ADCY8: variants seen among roughly 807,000 people sequenced by gnomAD.
ADCY8 encodes the protein adenylate cyclase 8, also known as adenylate cyclase type 8.
In ADCY8, 51 loss-of-function variants were observed where a neutral mutation model predicts 119.7. The observed-to-expected ratio is 0.43, with a 90% confidence interval of 0.34 to 0.54. ADCY8 has a LOEUF of 0.54. Ranked by LOEUF, ADCY8 falls within the 20% of genes least tolerant of loss-of-function variation. The probability of loss-of-function intolerance (pLI) is 0.03; values close to 1 mark genes in which losing one functional copy is unlikely to be tolerated. For synonymous variants in ADCY8, 665 were observed against 651.0 expected (o/e 1.02, Z -0.33); for missense variants, 1,383 against 1,598.8 (o/e 0.87, Z 2.30).
intron 14 of ADCY8, among the ~76,000 whole-genome samples, chr8:130,808,526 G>C (rs933517717): frequency 2.0e-5 from 3 of 152,148 alleles, no homozygotes; most frequent in Non-Finnish European, 4.4e-5. Flanking sequence ...CACAACAAGG[G>C]GCATGAGGAA....
chr8:130,934,592 A>G (rs928406143), intron 5 of ADCY8, among the ~76,000 whole-genome samples: 3 of 152,210 alleles, frequency 2.0e-5, no homozygotes, highest in African/African-American at 7.2e-5. Flanking sequence ...TACACCAGTT[A>G]AAGTATTATT....
At chr8:130,968,380 C>T in intron 2 of ADCY8, among the ~76,000 whole-genome samples, 1 of 152,110 alleles carries the variant, frequency 6.6e-6, no homozygotes, top group South Asian at 2.1e-4. Flanking sequence ...ACCGTGTTAG[C>T]CAGAAGGGTC....
chr8:130,954,578 T>C (rs551896369), intron 2 of ADCY8, among the ~76,000 whole-genome samples: 12 of 152,326 alleles, frequency 7.9e-5, no homozygotes, highest in South Asian at 2.1e-4. Flanking sequence ...TCAGGTAGGA[T>C]TGAGAAATTC....
In ADCY8 at chr8:130,936,097, G is replaced by GTGTT. The variant is rs755224046; in HGVS notation, c.1481+975_1481+976insAACA. 1.9e-3 allele frequency among the ~76,000 whole-genome samples: 217 copies of GTGTT among 116,582 alleles called. 1 individual carries two copies. Among genetic ancestry groups the GTGTT allele is most frequent in the Non-Finnish European group, 3.8e-3 (180 of 46,820 alleles). 76.5% of individuals were successfully genotyped at this position (116,582 alleles called of 152,430 possible). ...CATGTGTGTGTGTGTGTGTGTGTGT[G>GTGTT]TGTGTGTGTGTGTATTTCTGCCTAT... is the stretch of plus-strand genomic sequence containing the variant. On this transcript the variant is annotated intron_variant, in intron 5 of 17. Transcript: ENST00000286355.
intron 15 of ADCY8, among the ~76,000 whole-genome samples, chr8:130,796,532 A>G (rs147680080): frequency 1.3e-5 from 2 of 152,262 alleles, no homozygotes; most frequent in Non-Finnish European, 1.5e-5. Flanking sequence ...AAGCATCAGT[A>G]TTAAAGTGAA....
intron 7 of ADCY8, among the ~76,000 whole-genome samples, chr8:130,889,913 C>G (rs149134140): frequency 6.6e-6 from 1 of 152,236 alleles, no homozygotes; most frequent in East Asian, 1.9e-4. Context: ...ATCACCTCCT[C>G]CAGTAAGCCT....
At chr8:130,879,538 T>A (rs1022611137) in intron 8 of ADCY8, among the ~76,000 whole-genome samples, 1 of 152,210 alleles carries the variant, frequency 6.6e-6, no homozygotes, top group African/African-American at 2.4e-5. Context: ...TGAGGGCAAC[T>A]TCAAAATGAC....
chr8:130,973,351 T>A (rs1409539978), intron 2 of ADCY8, among the ~76,000 whole-genome samples: 1 of 152,238 alleles, frequency 6.6e-6, no homozygotes, highest in Non-Finnish European at 1.5e-5. Flanking sequence ...ATAAACAGAA[T>A]CTTCAAAATT....
intron 15 of ADCY8, among the ~76,000 whole-genome samples, chr8:130,791,350 C>G (rs969693564): frequency 1.3e-5 from 2 of 152,154 alleles, no homozygotes; most frequent in Non-Finnish European, 2.9e-5. Context: ...CCTCCCCATT[C>G]CTGGAGAAAA....
chr8:130,889,529 T>C (rs1819109784), intron 7 of ADCY8, among the ~76,000 whole-genome samples: 1 of 152,202 alleles, frequency 6.6e-6, no homozygotes, highest in South Asian at 2.1e-4. Flanking sequence ...GCTTTAAAGT[T>C]CTTCCCTGCT....
At chr8:130,901,591 G>A (rs1819605468) in intron 7 of ADCY8, among the ~76,000 whole-genome samples, 1 of 152,130 alleles carries the variant, frequency 6.6e-6, no homozygotes, top group Non-Finnish European at 1.5e-5. Context: ...CTCTTCCAGG[G>A]ACAAATTATG....
intron 14 of ADCY8, among the ~76,000 whole-genome samples, chr8:130,813,438 A>G (rs1468344832): frequency 6.6e-6 from 1 of 152,116 alleles, no homozygotes; most frequent in Non-Finnish European, 1.5e-5. Context: ...TTTCATCTCT[A>G]TGAATTTGAC....
At chr8:130,845,182 C>T (rs1159008330) in intron 11 of ADCY8, among the ~76,000 whole-genome samples, 2 of 152,152 alleles carry the variant, frequency 1.3e-5, no homozygotes, top group South Asian at 2.1e-4. Flanking sequence ...ATCTTACCCA[C>T]CACTTTCTTA....
At chr8:131,032,969 C>A (rs969463543) in intron 1 of ADCY8, among the ~76,000 whole-genome samples, 1 of 152,158 alleles carries the variant, frequency 6.6e-6, no homozygotes, top group Non-Finnish European at 1.5e-5. Context: ...TTGCAACCTT[C>A]AATACTGCCA....
intron 2 of ADCY8, among the ~76,000 whole-genome samples, chr8:130,983,115 A>T (rs1822287602): frequency 6.6e-6 from 1 of 152,198 alleles, no homozygotes; most frequent in Admixed American, 6.5e-5. Flanking sequence ...CTCAAAAGGG[A>T]TAATAAAAGA....
chr8:130,848,158 C>T (rs1357250794), intron 10 of ADCY8, among the ~76,000 whole-genome samples: 1 of 152,162 alleles, frequency 6.6e-6, no homozygotes, highest in African/African-American at 2.4e-5. Flanking sequence ...TCCAGTGTCA[C>T]TGAGCTGGTG....
At position 130,977,768 on chromosome 8, in the gene ADCY8, G is replaced by A. The variant is rs117491632; in HGVS notation, c.1110+12625C>T. Among the ~76,000 whole-genome samples the A allele has an allele frequency of 1.2e-4, 19 of 152,316 alleles. No individual in the cohort carries two copies. The East Asian group carries it at 2.9e-3, about 23-fold the overall frequency. Reference sequence around the variant, plus strand: ...TCCTAGGACACACAGCAAGTAAGTGGCAGCACCCAGATGTGCACACAGGCA... The same window carrying A: ...TCCTAGGACACACAGCAAGTAAGTGACAGCACCCAGATGTGCACACAGGCA... On this transcript the variant is annotated intron_variant, in intron 2 of 17. Coordinates refer to ENST00000286355, the MANE Select transcript of ADCY8 (RefSeq NM_001115.3).
intron 2 of ADCY8, among the ~76,000 whole-genome samples, chr8:130,954,007 C>G (rs1821350917): frequency 6.6e-6 from 1 of 152,152 alleles, no homozygotes. Context: ...GGAGTAGGTG[C>G]TAATTACAGC....
At chr8:130,914,222 A>G (rs1820062042) in intron 5 of ADCY8, among the ~76,000 whole-genome samples, 1 of 152,194 alleles carries the variant, frequency 6.6e-6, no homozygotes, top group Non-Finnish European at 1.5e-5. Flanking sequence ...CCATAGTTGT[A>G]AAATAAGGCA....
Sources: allele counts gnomAD v4.1 joint callset (sites outside exome capture counted in the v4.1 genomes callset), GRCh38; gene constraint gnomAD v4.1.1; transcripts MANE v1.5; gene names NCBI Gene and HGNC (gene_info 2026-07-23, HGNC 2026-07-21).